The following HNRNPUL1 variants were observed in gnomAD, a reference collection of about 807,000 sequenced individuals.
The protein encoded by HNRNPUL1 is heterogeneous nuclear ribonucleoprotein U-like protein 1.
In HNRNPUL1, 14 loss-of-function variants were observed where a neutral mutation model predicts 108.5. That is an observed-to-expected ratio of 0.13 (90% CI 0.09 to 0.20). HNRNPUL1 has a LOEUF of 0.20. Among genes scored for constraint, HNRNPUL1 ranks in the 10% least tolerant of loss-of-function variants. The pLI, the probability that HNRNPUL1 is intolerant of heterozygous loss-of-function variation, is 1.00. For missense variants in HNRNPUL1, 804 were observed against 1,168.3 expected, an observed-to-expected ratio of 0.69 and a Z score of 4.55; for synonymous variants, 422 against 445.2, an observed-to-expected ratio of 0.95 and a Z score of 0.66.
upstream of HNRNPUL1, chr19:41,264,196 T>C (rs145660713): frequency 4.1e-5 from 12 of 294,304 alleles, no homozygotes; most frequent in African/African-American, 1.7e-4. Flanking sequence ...GGCTTCGACG[T>C]AGGCCAACGC....
At chr19:41,282,164 C>T (rs1351510462) in intron 7 of HNRNPUL1, among the ~76,000 whole-genome samples, 2 of 152,094 alleles carry the variant, frequency 1.3e-5, no homozygotes, top group Non-Finnish European at 1.5e-5. Flanking sequence ...CACATGTACT[C>T]TTCCTTCTTC....
chr19:41,264,622 A>C lies in HNRNPUL1; in HGVS notation c.119A>C (p.Glu40Ala). The C allele has an allele frequency of 6.3e-7, 1 of 1,583,518 alleles. No individual in the cohort carries two copies. The highest frequency in any genetic ancestry group is 8.5e-7 in the Non-Finnish European group (1 of 1,172,628). Residue 40 changes from glutamate to alanine, a missense_variant, in exon 1 of 15, where the codon GAG becomes GCG. By Grantham distance (107) the Glu-to-Ala change is moderately radical. This residue lies in a region of HNRNPUL1 where 256 missense variants were observed against 261.6 expected (regional missense o/e 0.98). Coordinates refer to ENST00000392006, the MANE Select transcript of HNRNPUL1 (RefSeq NM_007040.6). ...CGGCTGCAGGCGGCGTTGGAGGCCG[A>C]GGAGCCTGACGACGAGCGGGAGCTC... is the stretch of plus-strand genomic sequence containing the variant. Reference protein sequence around the residue: ...AERLQAALEAEEPDDERELDA... With the variant: ...AERLQAALEAAEPDDERELDA...
intron 7 of HNRNPUL1, among the ~76,000 whole-genome samples, chr19:41,282,304 C>T (rs754285642): frequency 6.6e-6 from 1 of 151,506 alleles, no homozygotes; most frequent in Non-Finnish European, 1.5e-5. Flanking sequence ...TGCCTCAGCC[C>T]CCTGAGTAGC....
rs1395621482 is a variant in HNRNPUL1, at chr19:41,292,351, A to G, written c.1106A>G (p.Tyr369Cys). The change falls in exon 8 of 15, where the codon TAT (tyrosine) becomes TGT (cysteine). Residue 369 changes from tyrosine (Y) to cysteine (C), a missense_variant. Physicochemically the swap from Tyr to Cys is radical, Grantham distance 194. This residue lies in a region of HNRNPUL1 where 174 missense variants were observed against 296.6 expected (regional missense o/e 0.59). Coordinates refer to ENST00000392006, the MANE Select transcript of HNRNPUL1 (RefSeq NM_007040.6). This position sits in a 1 kb window ranked among gnomAD's most constrained non-coding sequence, Gnocchi z 4.1. ...QKEALGGQAL[Y>C]PHVLVKNCAV... ...GAAGCCTTGGGGGGTCAGGCCCTCT[A>G]TCCTCATGTCCTGGTGAAGAATTGC... 1 of 1,614,214 alleles carries G rather than the reference A, an allele frequency of 6.2e-7. No individual in the cohort carries two copies.
Position 41,292,281 on chromosome 19 carries a change from A to G in HNRNPUL1, c.1036A>G (p.Thr346Ala), listed in dbSNP as rs777241878. 6.2e-7 allele frequency: 1 copy of G among 1,614,224 alleles called. No homozygotes were observed. The highest frequency in any genetic ancestry group is 1.1e-5 in the South Asian group (1 of 91,086). Reference sequence around the variant, plus strand: ...TGGAAATGACGTGGAACTGTCTTTTACCAAGAATGGAAAGTGGATGGGCAT... The same window carrying G: ...TGGAAATGACGTGGAACTGTCTTTTGCCAAGAATGGAAAGTGGATGGGCAT... ...ECGNDVELSF[T>A]KNGKWMGIAF... The change falls in exon 8 of 15, where the codon ACC becomes GCC. Residue 346 changes from threonine (T) to alanine (A), a missense_variant. Coordinates refer to ENST00000392006, the MANE Select transcript of HNRNPUL1 (RefSeq NM_007040.6). The surrounding 1 kb of genome is among the most constrained non-coding windows in gnomAD (Gnocchi z 4.1).
intron 7 of HNRNPUL1, among the ~76,000 whole-genome samples, chr19:41,288,593 T>C (rs556433419): frequency 5.9e-5 from 9 of 152,322 alleles, no homozygotes; most frequent in African/African-American, 1.9e-4. Flanking sequence ...TTTGTACTTT[T>C]ATATTGTCTG....
intron 7 of HNRNPUL1, among the ~76,000 whole-genome samples, chr19:41,281,931 C>T (rs2035919957): frequency 6.6e-6 from 1 of 152,184 alleles, no homozygotes; most frequent in Admixed American, 6.5e-5. Context: ...AGAATCTTTG[C>T]ACCTACCTCA....
intron 6 of HNRNPUL1, 124 bp from the exon 7 acceptor site, chr19:41,281,039 C>T: frequency 4.6e-6 from 3 of 646,466 alleles, no homozygotes; most frequent in East Asian, 2.8e-5. Flanking sequence ...TTTAAAAAGG[C>T]ATCTGATTAA....
chr19:41,271,993 C>A, intron 2 of HNRNPUL1, 89 bp from the exon 3 acceptor site: 1 of 1,442,382 alleles, frequency 6.9e-7, no homozygotes, highest in Non-Finnish European at 9.5e-7. Flanking sequence ...GAGGATCCTG[C>A]TCACATCTCT....
At chr19:41,298,237 A>C (rs769530288) in intron 10 of HNRNPUL1, among the ~76,000 whole-genome samples, 5 of 152,162 alleles carry the variant, frequency 3.3e-5, no homozygotes, top group Admixed American at 6.5e-5. Flanking sequence ...AAAACTCCCC[A>C]TATAGCTTCT....
chr19:41,266,945 G>A (rs188726927), intron 1 of HNRNPUL1, among the ~76,000 whole-genome samples: 1 of 152,328 alleles, frequency 6.6e-6, no homozygotes, highest in Non-Finnish European at 1.5e-5. Context: ...ATCGTGGCAG[G>A]AATGCCTAGC....
intron 2 of HNRNPUL1, among the ~76,000 whole-genome samples, chr19:41,270,548 T>C (rs2035165626): frequency 6.6e-6 from 1 of 151,914 alleles, no homozygotes; most frequent in East Asian, 1.9e-4. Flanking sequence ...GTTAAGTATA[T>C]GTCTTTACAG....
intron 7 of HNRNPUL1, among the ~76,000 whole-genome samples, chr19:41,291,061 G>A (rs547628428): frequency 6.6e-6 from 1 of 152,222 alleles, no homozygotes; most frequent in Admixed American, 6.5e-5. Flanking sequence ...AAAAGAGGGG[G>A]GATCTTAATT....
At chr19:41,266,647 A>G (rs1463301093) in intron 1 of HNRNPUL1, among the ~76,000 whole-genome samples, 3 of 152,106 alleles carry the variant, frequency 2.0e-5, no homozygotes, top group Admixed American at 6.5e-5. Flanking sequence ...TTAAGGAGTA[A>G]GTAGAAGGGA....
At chr19:41,274,969 G>A (rs947636219) in intron 4 of HNRNPUL1, among the ~76,000 whole-genome samples, 2 of 152,156 alleles carry the variant, frequency 1.3e-5, no homozygotes, top group Admixed American at 6.5e-5. Context: ...AGATCATGAC[G>A]GTCAGCCTTT....
chr19:41,264,805 G>A lies in HNRNPUL1; in HGVS notation c.295+7G>A, dbSNP rs2122344688. ...TCGGGGCCGGACGGACATTGTGAGA[G>A]TGCGCGGGGCGGGGGCCGGGGAGCC... On this transcript the variant is annotated splice_region_variant and intron_variant, in intron 1 of 14. Transcript: ENST00000392006. 2 of 1,348,044 alleles carry A rather than the reference G, an allele frequency of 1.5e-6. No individual in the cohort carries two copies. The highest frequency in any genetic ancestry group is 1.9e-6 in the Non-Finnish European group (2 of 1,054,538). 83.5% of individuals were successfully genotyped at this position (1,348,044 alleles called of 1,614,324 possible). A position where few individuals can be genotyped will look rare whatever the true frequency, so the allele number is the denominator to read the frequency against.
At chr19:41,263,199 A>C (rs3760659), upstream of HNRNPUL1, among the ~76,000 whole-genome samples, 36,627 of 151,884 alleles carry the variant, frequency 0.24, 4,620 homozygotes, top group East Asian at 0.29. Context: ...AGGCAGTGGG[A>C]GTCTGCATCA....
chr19:41,273,716 G>A (rs1383773614), intron 3 of HNRNPUL1, among the ~76,000 whole-genome samples: 1 of 152,170 alleles, frequency 6.6e-6, no homozygotes, highest in Non-Finnish European at 1.5e-5. Flanking sequence ...TAAAAAAAGA[G>A]TGAAAAAATT....
intron 2 of HNRNPUL1, 130 bp from the exon 3 acceptor site, chr19:41,271,952 C>A: frequency 2.0e-6 from 2 of 1,007,206 alleles, no homozygotes; most frequent in Non-Finnish European, 2.9e-6. Flanking sequence ...ACTCAGCAAG[C>A]TGCCTGTGCC....
Sources: gnomAD v4.1 joint callset for allele counts (sites outside exome capture counted in the v4.1 genomes callset) on GRCh38, gnomAD v4.1.1 for gene constraint, gnomAD v4.1.1 regional missense constraint, Gnocchi (gnomAD v3.1) non-coding constraint, MANE v1.5 for transcripts, NCBI Gene and HGNC (gene_info 2026-07-23, HGNC 2026-07-21) for gene names.